The following USP10 variants were observed in gnomAD, a reference collection of about 807,000 sequenced individuals.
USP10 encodes ubiquitin carboxyl-terminal hydrolase 10.
A neutral mutation model predicts 84.5 loss-of-function variants in USP10; 22 were observed. The ratio of observed to expected loss-of-function variants is 0.26; its 90% confidence interval spans 0.19 to 0.37. USP10 has a LOEUF of 0.37. Among genes scored for constraint, USP10 ranks in the 10% least tolerant of loss-of-function variants. The probability of loss-of-function intolerance (pLI) is 1.00; values close to 1 mark genes in which losing one functional copy is unlikely to be tolerated. For missense variants in USP10, 1,019 were observed against 998.9 expected (o/e 1.02, Z -0.27); for synonymous variants, 454 against 387.6 (o/e 1.17, Z -2.01).
chr16:84,767,790 AT>A (rs996187767), intron 10 of USP10, among the ~76,000 whole-genome samples: 18 of 82,054 alleles, frequency 2.2e-4, no homozygotes, highest in South Asian at 4.9e-4. Flanking sequence ...TTTTTAATTT[AT>A]TTTTTTATTG....
intron 11 of USP10, among the ~76,000 whole-genome samples, chr16:84,771,323 G>A (rs781313371): frequency 6.6e-6 from 1 of 152,048 alleles, no homozygotes; most frequent in African/African-American, 2.4e-5. Flanking sequence ...AGACTGAGGC[G>A]AGCAGGTTGC....
intron 1 of USP10, among the ~76,000 whole-genome samples, chr16:84,710,175 C>T (rs894553950): frequency 6.6e-6 from 1 of 150,604 alleles, no homozygotes; most frequent in African/African-American, 2.5e-5. Context: ...GAGGCTTAGG[C>T]AAGAGAATCG....
intron 1 of USP10, among the ~76,000 whole-genome samples, chr16:84,707,907 T>C (rs1905751008): frequency 1.3e-5 from 2 of 151,452 alleles, no homozygotes; most frequent in South Asian, 2.1e-4. Flanking sequence ...AGCAAAACTC[T>C]TTCTCTACAA....
At chr16:84,719,916 A>G (rs1907559750) in intron 1 of USP10, among the ~76,000 whole-genome samples, 1 of 152,230 alleles carries the variant, frequency 6.6e-6, no homozygotes. Context: ...CTTAGCTAGT[A>G]TACCACTTTT....
intron 1 of USP10, among the ~76,000 whole-genome samples, chr16:84,729,310 A>C (rs1567606925): frequency 1.3e-5 from 2 of 152,220 alleles, no homozygotes; most frequent in African/African-American, 4.8e-5. Flanking sequence ...GTTTTTCAAA[A>C]TGTGCATTGC....
chr16:84,701,468 C>G (rs1266888135), intron 1 of USP10, among the ~76,000 whole-genome samples: 1 of 152,032 alleles, frequency 6.6e-6, no homozygotes, highest in Non-Finnish European at 1.5e-5. Flanking sequence ...TTTGTTTAGA[C>G]CTTTCTGTTA....
intron 4 of USP10, among the ~76,000 whole-genome samples, chr16:84,745,882 T>G (rs1341288190): frequency 6.6e-6 from 1 of 152,382 alleles, no homozygotes; most frequent in East Asian, 1.9e-4. Flanking sequence ...TTATGTTAAG[T>G]GAAAGATCCA....
Position 84,764,939 on chromosome 16 carries a change from A to AAAAAAAAAAATAT in USP10, c.1832+677_1832+678insAAAAAAAAATATA, listed in dbSNP as rs370383030. 6.9e-4 allele frequency among the ~76,000 whole-genome samples: 91 copies of AAAAAAAAAAATAT among 132,232 alleles called. 1 individual carries two copies. Among genetic ancestry groups the AAAAAAAAAAATAT allele is most frequent in the Middle Eastern group, 8.8e-3 (2 of 226 alleles). 86.7% of individuals were successfully genotyped at this position (132,232 alleles called of 152,430 possible). A position where few individuals can be genotyped will look rare whatever the true frequency, so the allele number is the denominator to read the frequency against. On this transcript the variant is annotated intron_variant, in intron 10 of 13. Transcript: ENST00000219473. ...TAACCACGAGAGAGAGAGAAAAAAA[A>AAAAAAAAAAATAT]ATATATATATATATATTAGACTTCA...
In USP10 at chr16:84,779,233, C is replaced by T. The variant is rs1338997416; in HGVS notation, c.*151C>T. On this transcript the variant is annotated 3_prime_UTR_variant, in exon 14 of 14. Coordinates refer to ENST00000219473, the MANE Select transcript of USP10 (RefSeq NM_005153.3). Reference sequence around the variant, plus strand: ...AATGAAAAGGAGATGCCTTGGGGTTCGTGCACAACACAGCTTCTGTTGACT... The same window carrying T: ...AATGAAAAGGAGATGCCTTGGGGTTTGTGCACAACACAGCTTCTGTTGACT... 2.5e-5 allele frequency: 20 copies of T among 807,522 alleles called. No homozygotes were observed. Among genetic ancestry groups the T allele is most frequent in the South Asian group, 1.3e-4 (6 of 46,732 alleles). 50.0% of individuals were successfully genotyped at this position (807,522 alleles called of 1,614,324 possible). A position where few individuals can be genotyped will look rare whatever the true frequency, so the allele number is the denominator to read the frequency against.
At chr16:84,750,246 A>G (rs1437503254) in intron 4 of USP10, among the ~76,000 whole-genome samples, 1 of 152,074 alleles carries the variant, frequency 6.6e-6, no homozygotes, top group Non-Finnish European at 1.5e-5. Context: ...CATCTTTACT[A>G]AAAATAAAAA....
intron 1 of USP10, among the ~76,000 whole-genome samples, chr16:84,707,620 C>T (rs1424974007): frequency 6.6e-6 from 1 of 152,150 alleles, no homozygotes; most frequent in African/African-American, 2.4e-5. Context: ...TTATTGAAAA[C>T]ATCCACTGAA....
intron 4 of USP10, among the ~76,000 whole-genome samples, chr16:84,756,743 C>T (rs575552745): frequency 1.3e-5 from 2 of 152,312 alleles, no homozygotes; most frequent in East Asian, 1.9e-4. Context: ...GCCTTTACGT[C>T]ATTGATGGTT....
intron 1 of USP10, among the ~76,000 whole-genome samples, chr16:84,712,154 G>A (rs980461241): frequency 1.3e-5 from 2 of 152,162 alleles, no homozygotes; most frequent in Admixed American, 6.5e-5. Flanking sequence ...GAAAGAAATC[G>A]CAGTATTTTG....
In USP10 at chr16:84,733,423, AT is replaced by A; in HGVS notation, c.22-4del. ...ATTTTATGTGATCAGTGACTCTCTT[AT>A]TTTTTTTCAGTATATTTTTGGAGAT... On this transcript the variant is annotated splice_polypyrimidine_tract_variant and intron_variant, in intron 1 of 13. Transcript: ENST00000219473. 13 of 1,577,990 alleles carry A rather than the reference AT, an allele frequency of 8.2e-6. No individual in the cohort carries two copies. The highest frequency in any genetic ancestry group is 1.4e-5 in the African/African-American group (1 of 73,426).
rs114370530 is a variant in USP10 at position 84,734,218 on chromosome 16, A to G, written c.90+715A>G. On this transcript the variant is annotated intron_variant, in intron 2 of 13. Transcript: ENST00000219473. Reference sequence around the variant, plus strand: ...CTCGTTTGCTATCTAGGATTTTAACAGTCTTCATTCCCATCAGCAGTGCAT... The same window carrying G: ...CTCGTTTGCTATCTAGGATTTTAACGGTCTTCATTCCCATCAGCAGTGCAT... Among the ~76,000 whole-genome samples the G allele has an allele frequency of 6.1e-3, 929 of 152,216 alleles. 12 individuals are homozygous for G. Among genetic ancestry groups the G allele is most frequent in the African/African-American group, 0.021 (889 of 41,538 alleles).
At chr16:84,737,571 T>G (rs924625974) in intron 2 of USP10, among the ~76,000 whole-genome samples, 1 of 152,220 alleles carries the variant, frequency 6.6e-6, no homozygotes, top group African/African-American at 2.4e-5. Flanking sequence ...AGGTGCGCTC[T>G]TTTATCAGCT....
At chr16:84,709,494 T>G (rs1246639715) in intron 1 of USP10, among the ~76,000 whole-genome samples, 1 of 152,112 alleles carries the variant, frequency 6.6e-6, no homozygotes, top group East Asian at 1.9e-4. Context: ...TGGTACAACA[T>G]TTGACCATGG....
chr16:84,728,909 C>G lies in USP10; in HGVS notation c.22-4526C>G, dbSNP rs113621861. On this transcript the variant is annotated intron_variant, in intron 1 of 13. Transcript: ENST00000219473. ...CGCCTTCCAGGTTCACGTAATTCTT[C>G]TGCATCAGCCTCCCAAGTAGCTGGG... Among the ~76,000 whole-genome samples, 1,089 of 152,262 alleles carry G rather than the reference C, an allele frequency of 7.2e-3. 7 individuals are homozygous for G. The highest frequency in any genetic ancestry group is 0.025 in the African/African-American group (1,029 of 41,534).
At chr16:84,759,596 A>G in intron 6 of USP10, 124 bp downstream of exon 6, 1 of 927,470 alleles carries the variant, frequency 1.1e-6, no homozygotes, top group South Asian at 1.6e-5. Flanking sequence ...GTCTTTTTTT[A>G]AAAATAGACT....
Sources: allele counts gnomAD v4.1 joint callset (sites outside exome capture counted in the v4.1 genomes callset), GRCh38; gene constraint gnomAD v4.1.1; transcripts MANE v1.5; gene names NCBI Gene and HGNC (gene_info 2026-07-23, HGNC 2026-07-21).